The following BRD10 variants were observed in gnomAD, a reference collection of about 807,000 sequenced individuals.
BRD10 encodes bromodomain containing 10.
the BRD10 span, among the ~76,000 whole-genome samples, chr9:5,902,043 C>T: frequency 6.6e-6 from 1 of 152,038 alleles, no homozygotes; most frequent in Non-Finnish European, 1.5e-5. Context: ...ACAAAGTATT[C>T]CCTTTGCTTC....
At chr9:5,969,147 G>A in the BRD10 span, 11 of 1,613,906 alleles carry the variant, frequency 6.8e-6, no homozygotes, top group Non-Finnish European at 8.5e-6. Flanking sequence ...GGCAAAGTAG[G>A]TCTTCGATGT....
chr9:5,884,823 C>G, the BRD10 span, among the ~76,000 whole-genome samples: 1 of 152,210 alleles, frequency 6.6e-6, no homozygotes, highest in Non-Finnish European at 1.5e-5. Flanking sequence ...GGATTTACCA[C>G]GTTTCTGATT....
chr9:5,943,811 G>A, the BRD10 span, among the ~76,000 whole-genome samples: 1 of 152,062 alleles, frequency 6.6e-6, no homozygotes, highest in Non-Finnish European at 1.5e-5. Context: ...CTATCATCAT[G>A]AGCATTTATT....
chr9:5,930,083 T>C, the BRD10 span, among the ~76,000 whole-genome samples: 6 of 151,690 alleles, frequency 4.0e-5, no homozygotes, highest in South Asian at 4.1e-4. Context: ...AGTATATACT[T>C]ATTATTACCA....
chr9:5,910,275 A>C, the BRD10 span: 3 of 152,250 alleles, frequency 2.0e-5, no homozygotes, highest in African/African-American at 7.2e-5. Flanking sequence ...CTAGTGTAAC[A>C]TAACTGCATC....
At chr9:5,915,179 C>CA in the BRD10 span, among the ~76,000 whole-genome samples, 2 of 152,092 alleles carry the variant, frequency 1.3e-5, no homozygotes, top group Admixed American at 6.5e-5. Flanking sequence ...TTATCCTTCT[C>CA]AATCTCAACA....
chr9:5,958,832 A>C, the BRD10 span, among the ~76,000 whole-genome samples: 1 of 152,246 alleles, frequency 6.6e-6, no homozygotes, highest in East Asian at 1.9e-4. Context: ...TTAAACAGTG[A>C]ATTTGCAAAG....
the BRD10 span, among the ~76,000 whole-genome samples, chr9:5,980,857 G>C: frequency 3.3e-5 from 5 of 152,054 alleles, no homozygotes; most frequent in African/African-American, 1.2e-4. Flanking sequence ...TGATATAACA[G>C]GTGTTTTAAC....
the BRD10 span, among the ~76,000 whole-genome samples, chr9:5,926,247 T>G: frequency 6.6e-6 from 1 of 152,130 alleles, no homozygotes; most frequent in African/African-American, 2.4e-5. Flanking sequence ...CTATACATTC[T>G]TATTTGTGCA....
chr9:5,923,538 A>T, the BRD10 span, among the ~76,000 whole-genome samples: 1 of 152,154 alleles, frequency 6.6e-6, no homozygotes, highest in African/African-American at 2.4e-5. Flanking sequence ...TATTGAGAAA[A>T]TTTTTTTGGT....
chr9:5,969,355 T>C, the BRD10 span: 2 of 1,612,444 alleles, frequency 1.2e-6, no homozygotes, highest in East Asian at 4.5e-5. Flanking sequence ...TTGGAGCTGC[T>C]TGAGCTAGAA....
At chr9:5,914,458 C>G in the BRD10 span, among the ~76,000 whole-genome samples, 195 of 106,278 alleles carry the variant, frequency 1.8e-3, 2 homozygotes, top group East Asian at 0.036. Context: ...GAGTCTCACT[C>G]TGTCACCCAG....
chr9:5,913,243 G>C, the BRD10 span, among the ~76,000 whole-genome samples: 1 of 152,154 alleles, frequency 6.6e-6, no homozygotes, highest in Non-Finnish European at 1.5e-5. Context: ...AGTCACAAAT[G>C]TTAAATTTAG....
chr9:5,885,659 C>G, the BRD10 span, among the ~76,000 whole-genome samples: 30 of 152,216 alleles, frequency 2.0e-4, no homozygotes, highest in Non-Finnish European at 2.9e-5. Flanking sequence ...AGGCATGAGC[C>G]ACCGCACCCG....
At chr9:5,984,431 T>C in the BRD10 span, among the ~76,000 whole-genome samples, 1 of 152,062 alleles carries the variant, frequency 6.6e-6, no homozygotes, top group Non-Finnish European at 1.5e-5. Context: ...CAGAAACTAC[T>C]TTGAAAAAAT....
At chr9:5,989,264 C>CAAAAA in the BRD10 span, among the ~76,000 whole-genome samples, 1 of 104,316 alleles carries the variant, frequency 9.6e-6, no homozygotes, top group African/African-American at 3.5e-5. Flanking sequence ...AAAAAAAAAT[C>CAAAAA]CAAAAATTAG....
the BRD10 span, among the ~76,000 whole-genome samples, chr9:5,906,075 G>A: frequency 1.3e-5 from 2 of 151,920 alleles, no homozygotes; most frequent in Non-Finnish European, 2.9e-5. Context: ...AAATATGTTG[G>A]GTGCAGTGGT....
the BRD10 span, among the ~76,000 whole-genome samples, chr9:5,927,389 C>A: frequency 2.0e-5 from 3 of 152,146 alleles, no homozygotes; most frequent in Admixed American, 6.5e-5. Flanking sequence ...TAAATCATTT[C>A]CATCAGTACA....
the BRD10 span, among the ~76,000 whole-genome samples, chr9:6,001,053 A>T: frequency 6.6e-6 from 1 of 152,142 alleles, no homozygotes; most frequent in African/African-American, 2.4e-5. Flanking sequence ...AGGTCCCCTA[A>T]GCATCACCAC....
Sources: allele counts gnomAD v4.1 joint callset (sites outside exome capture counted in the v4.1 genomes callset), GRCh38; gene constraint gnomAD v4.1.1; transcripts MANE v1.5; gene names NCBI Gene and HGNC (gene_info 2026-07-23, HGNC 2026-07-21).